SEMA4D: variants seen among roughly 807,000 people sequenced by gnomAD.
SEMA4D encodes semaphorin-4D.
In SEMA4D, 22 loss-of-function variants were observed where a neutral mutation model predicts 74.8. That is an observed-to-expected ratio of 0.29 (90% CI 0.21 to 0.42). The LOEUF is 0.42. Ranked by LOEUF, SEMA4D falls within the 10% of genes least tolerant of loss-of-function variation. The pLI is 1.00. For synonymous variants in SEMA4D, 445 were observed against 463.7 expected (o/e 0.96, Z 0.52); for missense variants, 937 against 1,118.4 (o/e 0.84, Z 2.31).
rs1437240181 is a variant in SEMA4D, at chr9:89,378,884, A to G, written c.2409T>C (p.Asn803=). 6.2e-7 allele frequency: 1 copy of G among 1,614,154 alleles called. No homozygotes were observed. The highest frequency in any genetic ancestry group is 2.2e-5 in the East Asian group (1 of 44,870). ...LVEPGSFSQQ[N]GEHPKPALDT... Reference sequence around the variant, plus strand: ...CCAGGGCTGGCTTGGGGTGCTCCCCATTCTGCTGGGAGAAGCTCCCTGGCT... The same window carrying G: ...CCAGGGCTGGCTTGGGGTGCTCCCCGTTCTGCTGGGAGAAGCTCCCTGGCT... The change falls in exon 16 of 16, where the codon AAT becomes AAC. Residue 803 remains asparagine (N), a synonymous_variant. Coordinates refer to ENST00000422704, the MANE Select transcript of SEMA4D (RefSeq NM_001371194.2).
intron 5 of SEMA4D, among the ~76,000 whole-genome samples, chr9:89,397,296 T>C (rs186817864): frequency 6.6e-6 from 1 of 152,372 alleles, no homozygotes; most frequent in East Asian, 1.9e-4. Flanking sequence ...GCTAAGTACG[T>C]GGACCACTTG....
chr9:89,452,945 T>C (rs1275843687), intron 2 of SEMA4D, among the ~76,000 whole-genome samples: 1 of 152,104 alleles, frequency 6.6e-6, no homozygotes, highest in East Asian at 1.9e-4. Context: ...ATCTTGGGTG[T>C]TTTCCAGGTA....
chr9:89,446,511 C>A (rs1032846547), intron 2 of SEMA4D, among the ~76,000 whole-genome samples: 4 of 152,206 alleles, frequency 2.6e-5, no homozygotes, highest in South Asian at 2.1e-4. Context: ...CCAACATGGG[C>A]TAAAGAAAAC....
chr9:89,455,679 A>G (rs1855763332), intron 2 of SEMA4D, among the ~76,000 whole-genome samples: 1 of 152,102 alleles, frequency 6.6e-6, no homozygotes, highest in African/African-American at 2.4e-5. Context: ...CACATCCCCT[A>G]AACCGACCCT....
intron 2 of SEMA4D, among the ~76,000 whole-genome samples, chr9:89,410,606 T>C (rs961931001): frequency 6.6e-6 from 1 of 152,208 alleles, no homozygotes; most frequent in Non-Finnish European, 1.5e-5. Flanking sequence ...GGACGATCCA[T>C]TCAGGAGTCC....
chr9:89,362,980 C>T (rs1416208491), intron 18 of SEMA4D, among the ~76,000 whole-genome samples: 3 of 152,194 alleles, frequency 2.0e-5, no homozygotes, highest in Admixed American at 1.3e-4. Context: ...CCTGCCAGGG[C>T]TTAGCTCAGG....
At chr9:89,430,403 T>G (rs1849018978) in intron 2 of SEMA4D, among the ~76,000 whole-genome samples, 1 of 152,038 alleles carries the variant, frequency 6.6e-6, no homozygotes, top group Non-Finnish European at 1.5e-5. Context: ...TGTGACTGCC[T>G]CTCTAGGGGT....
At chr9:89,444,862 T>C (rs1852462860) in intron 2 of SEMA4D, among the ~76,000 whole-genome samples, 1 of 151,806 alleles carries the variant, frequency 6.6e-6, no homozygotes, top group African/African-American at 2.4e-5. Context: ...GAATTAGGAA[T>C]AAACGTTTTC....
At chr9:89,412,788 G>A (rs985374218) in intron 2 of SEMA4D, among the ~76,000 whole-genome samples, 2 of 152,214 alleles carry the variant, frequency 1.3e-5, no homozygotes, top group Non-Finnish European at 2.9e-5. Context: ...GCTCCTCCCA[G>A]GGAGGGGGAG....
chr9:89,388,222 T>C (rs1359189096), intron 11 of SEMA4D, among the ~76,000 whole-genome samples: 1 of 152,044 alleles, frequency 6.6e-6, no homozygotes, highest in Non-Finnish European at 1.5e-5. Flanking sequence ...CATTTCCCCA[T>C]GTGAGGGAAG....
intron 1 of SEMA4D, among the ~76,000 whole-genome samples, chr9:89,462,277 C>T (rs951840074): frequency 6.6e-6 from 1 of 152,300 alleles, no homozygotes; most frequent in Non-Finnish European, 1.5e-5. Flanking sequence ...ATCTGGCTAA[C>T]TCAGTCCAGA....
rs564354163 is a variant in SEMA4D at position 89,379,069 on chromosome 9, A to G, written c.2224T>C (p.Phe742Leu). The G allele has an allele frequency of 4.3e-6, 7 of 1,613,608 alleles. No homozygotes were observed. Among genetic ancestry groups the G allele is most frequent in the South Asian group, 2.2e-5 (2 of 91,040 alleles). Reference sequence around the variant, plus strand: ...AGGCAGAGGAAGAGAACAAAGAAGAAGAGGAAGAGGGACATGAGGAGGCGG... The same window carrying G: ...AGGCAGAGGAAGAGAACAAAGAAGAGGAGGAAGAGGGACATGAGGAGGCGG... ...DNRLLMSLFL[F>L]FFVLFLCLFF... The change falls in exon 16 of 16, where the codon TTC (phenylalanine) becomes CTC (leucine). Residue 742 changes from phenylalanine (F) to leucine (L), a missense_variant. By Grantham distance (22) the Phe-to-Leu change is conservative (BLOSUM62 0). Coordinates refer to ENST00000422704, the MANE Select transcript of SEMA4D (RefSeq NM_001371194.2).
At chr9:89,371,011 G>A (rs145017706) in intron 16 of SEMA4D, among the ~76,000 whole-genome samples, 2 of 140,662 alleles carry the variant, frequency 1.4e-5, no homozygotes, top group East Asian at 2.2e-4. Flanking sequence ...TCGGGGTGTG[G>A]GGTGTGTGGT....
chr9:89,409,871 C>A (rs934659208), intron 2 of SEMA4D, among the ~76,000 whole-genome samples: 1 of 152,152 alleles, frequency 6.6e-6, no homozygotes, highest in Non-Finnish European at 1.5e-5. Context: ...TCAGGCCAGG[C>A]TAAGAGTCCA....
chr9:89,385,372 G>A, intron 13 of SEMA4D: 1 of 985,394 alleles, frequency 1.0e-6, no homozygotes, highest in Non-Finnish European at 1.2e-6. Flanking sequence ...CCACTGAACA[G>A]CACGATGGCC....
intron 1 of SEMA4D, among the ~76,000 whole-genome samples, chr9:89,464,070 T>C (rs1475433343): frequency 6.6e-6 from 1 of 152,110 alleles, no homozygotes; most frequent in Non-Finnish European, 1.5e-5. Context: ...TTTTCTTAAA[T>C]TTCAGAATCA....
chr9:89,428,686 A>G (rs1564747464), intron 2 of SEMA4D, among the ~76,000 whole-genome samples: 1 of 152,204 alleles, frequency 6.6e-6, no homozygotes, highest in Non-Finnish European at 1.5e-5. Flanking sequence ...TTTCTCCTGC[A>G]CCAGGGCAAT....
At chr9:89,477,456 G>GT (rs1227276589) in intron 1 of SEMA4D, among the ~76,000 whole-genome samples, 1 of 152,172 alleles carries the variant, frequency 6.6e-6, no homozygotes, top group Non-Finnish European at 1.5e-5. Flanking sequence ...AGTCAAGGGT[G>GT]TGGCAGACTG....
At chr9:89,398,503 C>G (rs572658136) in intron 5 of SEMA4D, among the ~76,000 whole-genome samples, 1 of 152,162 alleles carries the variant, frequency 6.6e-6, no homozygotes, top group East Asian at 1.9e-4. Flanking sequence ...TCTTGGATGC[C>G]GGACAAGAGC....
Sources: allele counts gnomAD v4.1 joint callset (sites outside exome capture counted in the v4.1 genomes callset), GRCh38; gene constraint gnomAD v4.1.1; transcripts MANE v1.5; gene names NCBI Gene and HGNC (gene_info 2026-07-23, HGNC 2026-07-21).